The following AKAP6 variants were observed in gnomAD, a reference collection of about 807,000 sequenced individuals.
AKAP6 encodes A-kinase anchor protein 6.
In AKAP6, 58 loss-of-function variants were observed where a neutral mutation model predicts 188.5. That is an observed-to-expected ratio of 0.31 (90% CI 0.25 to 0.38). The LOEUF is 0.38. AKAP6 is among the 10% of genes least tolerant of loss of function. The pLI is 1.00. For synonymous variants in AKAP6, 989 were observed against 998.6 expected, an observed-to-expected ratio of 0.99 and a Z score of 0.18; for missense variants, 2,710 against 2,740.0, an observed-to-expected ratio of 0.99 and a Z score of 0.24.
At chr14:32,410,662 T>C (rs1307136460) in intron 1 of AKAP6, among the ~76,000 whole-genome samples, 1 of 152,202 alleles carries the variant, frequency 6.6e-6, no homozygotes, top group African/African-American at 2.4e-5. Context: ...AAGATTATTA[T>C]TAAGATAACA....
chr14:32,802,905 C>A (rs1594962030), intron 12 of AKAP6, among the ~76,000 whole-genome samples: 1 of 152,068 alleles, frequency 6.6e-6, no homozygotes, highest in African/African-American at 2.4e-5. Flanking sequence ...CAAGACCAGC[C>A]TGGCCAATAT....
At chr14:32,729,942 A>T (rs1178420273) in intron 9 of AKAP6, among the ~76,000 whole-genome samples, 2 of 152,168 alleles carry the variant, frequency 1.3e-5, no homozygotes, top group Admixed American at 1.3e-4. Flanking sequence ...TTCTCACCAC[A>T]GGATAAAGTA....
intron 9 of AKAP6, among the ~76,000 whole-genome samples, chr14:32,727,339 A>G (rs575793717): frequency 3.0e-4 from 46 of 152,260 alleles, no homozygotes; most frequent in South Asian, 1.2e-3. Context: ...TTTATTTTTA[A>G]AGGCTTAGAT....
chr14:32,728,666 T>C (rs2031014268), intron 9 of AKAP6, among the ~76,000 whole-genome samples: 1 of 152,182 alleles, frequency 6.6e-6, no homozygotes, highest in African/African-American at 2.4e-5. Context: ...GTTTAATTTG[T>C]GTGTTTCTCG....
intron 2 of AKAP6, among the ~76,000 whole-genome samples, chr14:32,513,205 A>G (rs1026278511): frequency 2.6e-5 from 4 of 152,188 alleles, no homozygotes; most frequent in Non-Finnish European, 5.9e-5. Context: ...AGGATTGGTA[A>G]TCTATTCAGC....
At chr14:32,688,982 G>A (rs1222332761) in intron 8 of AKAP6, among the ~76,000 whole-genome samples, 3 of 152,066 alleles carry the variant, frequency 2.0e-5, no homozygotes, top group Non-Finnish European at 4.4e-5. Context: ...ATGAAATGGT[G>A]AACTGCCCAA....
intron 7 of AKAP6, among the ~76,000 whole-genome samples, chr14:32,636,448 T>A (rs1887490466): frequency 6.6e-6 from 1 of 152,108 alleles, no homozygotes; most frequent in South Asian, 2.1e-4. Flanking sequence ...AAGTAAATAT[T>A]CGAGTTCTTC....
At chr14:32,411,554 T>C (rs1432102123) in intron 1 of AKAP6, among the ~76,000 whole-genome samples, 1 of 152,138 alleles carries the variant, frequency 6.6e-6, no homozygotes, top group African/African-American at 2.4e-5. Flanking sequence ...TTTTAGCTGG[T>C]TCTTAAATTG....
rs368423502 is a variant in AKAP6 at position 32,509,120 on chromosome 14, C to CTTTTTTTTTTTT, written c.325-26421_325-26410dup. ...AGGCGTAAGCCACCATGCCCTGCCTCTTTTTTTTTTTTTTTTTTTTTTTTG... is the reference window on the plus strand; with the variant it reads ...AGGCGTAAGCCACCATGCCCTGCCTCTTTTTTTTTTTTTTTTTTTTTTTTTTTTTTTTTTTTG... On this transcript the variant is annotated intron_variant, in intron 2 of 13. Coordinates refer to ENST00000280979, the MANE Select transcript of AKAP6 (RefSeq NM_004274.5). Among the ~76,000 whole-genome samples the CTTTTTTTTTTTT allele has an allele frequency of 6.3e-5, 6 of 94,772 alleles. 1 individual carries two copies. Among genetic ancestry groups the CTTTTTTTTTTTT allele is most frequent in the African/African-American group, 2.1e-4 (5 of 23,790 alleles). The allele number at this position is 94,772 out of a possible 152,430, so 62.2% of individuals were successfully genotyped here.
chr14:32,707,132 A>G (rs769430186), intron 9 of AKAP6, among the ~76,000 whole-genome samples: 1 of 152,148 alleles, frequency 6.6e-6, no homozygotes, highest in Non-Finnish European at 1.5e-5. Context: ...GTTTATTCAC[A>G]TACATTTATG....
At chr14:32,347,386 A>G (rs954806774) in intron 1 of AKAP6, among the ~76,000 whole-genome samples, 7 of 152,222 alleles carry the variant, frequency 4.6e-5, no homozygotes, top group African/African-American at 1.7e-4. Context: ...TATTGACTGA[A>G]GTAGGAGTGA....
At chr14:32,368,355 G>A (rs1204596691) in intron 1 of AKAP6, among the ~76,000 whole-genome samples, 2 of 152,200 alleles carry the variant, frequency 1.3e-5, no homozygotes, top group Non-Finnish European at 2.9e-5. Flanking sequence ...GGTGCTGGAA[G>A]TATGTATAAG....
rs1335043511 is a variant in AKAP6, at chr14:32,832,902, A to C, written c.*3097A>C. 6.6e-6 allele frequency: 1 copy of C among 152,654 alleles called. No individual in the cohort carries two copies. Among genetic ancestry groups the C allele is most frequent in the Non-Finnish European group, 1.5e-5 (1 of 68,038 alleles). The allele number at this position is 152,654 out of a possible 1,614,324, so 9.5% of individuals were successfully genotyped here. On this transcript the variant is annotated 3_prime_UTR_variant, in exon 14 of 14. Coordinates refer to ENST00000280979, the MANE Select transcript of AKAP6 (RefSeq NM_004274.5). ...TTTCAGATCCATTCCAACCTGACTG[A>C]ATGTTAACAGACAGAATTCTTCACA...
intron 2 of AKAP6, among the ~76,000 whole-genome samples, chr14:32,437,245 A>G (rs1052961766): frequency 6.6e-6 from 1 of 152,116 alleles, no homozygotes; most frequent in African/African-American, 2.4e-5. Flanking sequence ...TGGAGATGCA[A>G]GCCTGGGAGA....
chr14:32,351,332 G>A (rs1347499559), intron 1 of AKAP6, among the ~76,000 whole-genome samples: 2 of 152,204 alleles, frequency 1.3e-5, no homozygotes, highest in African/African-American at 2.4e-5. Context: ...GGAGGCTGAG[G>A]CAGGTGGATC....
At chr14:32,590,127 G>T (rs956712327) in intron 5 of AKAP6, among the ~76,000 whole-genome samples, 5 of 152,148 alleles carry the variant, frequency 3.3e-5, no homozygotes, top group African/African-American at 1.2e-4. Flanking sequence ...TTTATGTGAG[G>T]ATGAGCATGC....
At chr14:32,440,087 G>A (rs952027917) in intron 2 of AKAP6, among the ~76,000 whole-genome samples, 1 of 152,166 alleles carries the variant, frequency 6.6e-6, no homozygotes. Context: ...AATGATAAGT[G>A]CTATGTTGTA....
chr14:32,628,173 C>T (rs1206192217), intron 7 of AKAP6: 8 of 151,862 alleles, frequency 5.3e-5, no homozygotes, highest in African/African-American at 1.7e-4. Context: ...ACTGTGTTGC[C>T]AGGTTTCTCA....
intron 2 of AKAP6, among the ~76,000 whole-genome samples, chr14:32,475,927 C>G (rs532732300): frequency 6.6e-6 from 1 of 152,122 alleles, no homozygotes; most frequent in South Asian, 2.1e-4. Context: ...TCATGATCCG[C>G]CCGCCTCGGC....
Sources: allele counts gnomAD v4.1 joint callset (sites outside exome capture counted in the v4.1 genomes callset), GRCh38; gene constraint gnomAD v4.1.1; transcripts MANE v1.5; gene names NCBI Gene and HGNC (gene_info 2026-07-23, HGNC 2026-07-21).